Variants in MMP13 observed in about 807,000 individuals in gnomAD.
MMP13 encodes collagenase 3.
MMP13 carries 45 observed loss-of-function variants against 52.1 expected under a neutral mutation model. That is an observed-to-expected ratio of 0.86 (90% CI 0.68 to 1.11). The LOEUF is 1.11. Among genes scored for constraint, MMP13 ranks in the 50% least tolerant of loss-of-function variants. The probability of loss-of-function intolerance (pLI) is 0.00; values close to 1 mark genes in which losing one functional copy is unlikely to be tolerated. For synonymous variants in MMP13, 200 were observed against 204.4 expected, an observed-to-expected ratio of 0.98 and a Z score of 0.18; for missense variants, 576 against 583.8, an observed-to-expected ratio of 0.99 and a Z score of 0.14.
At chr11:102,945,520 T>A (rs1860489973) in intron 9 of MMP13, 126 bp downstream of exon 9, 2 of 708,318 alleles carry the variant, frequency 2.8e-6, no homozygotes, top group Non-Finnish European at 4.8e-6. Flanking sequence ...ACAGGAACAA[T>A]TAATTCCTTA....
At chr11:102,945,256 A>G (rs1555016537) in intron 9 of MMP13, 8 of 827,684 alleles carry the variant, frequency 9.7e-6, no homozygotes, top group South Asian at 6.8e-5. Context: ...AAAAAAAAAA[A>G]GGTTGAGAAC....
rs995553501 is a variant in MMP13, at chr11:102,949,950, A to G, written c.917+160T>C. Among the ~76,000 whole-genome samples, 4 of 152,234 alleles carry G rather than the reference A, an allele frequency of 2.6e-5. No homozygotes were observed. Among genetic ancestry groups the G allele is most frequent in the African/African-American group, 9.6e-5 (4 of 41,470 alleles). On this transcript the variant is annotated intron_variant, in intron 6 of 9. Transcript: ENST00000260302. This position sits in a 1 kb window ranked among gnomAD's most constrained non-coding sequence, Gnocchi z 4.2. The stretch of plus-strand genomic sequence containing the variant: ...ACGTTGAAAAGTAAAACATTTATCC[A>G]TCAGTCATTTATTTGATCTGAAATA...
chr11:102,952,185 CA>C lies in MMP13; in HGVS notation c.638-13del, dbSNP rs1232013550. On this transcript the variant is annotated splice_polypyrimidine_tract_variant and intron_variant, in intron 4 of 9. Coordinates refer to ENST00000260302, the MANE Select transcript of MMP13 (RefSeq NM_002427.4). The surrounding 1 kb of genome is among the most constrained non-coding windows in gnomAD (Gnocchi z 4.3). ...AAACAAGTTGTAGCCTGTAAGAAAA[CA>C]AAGAAACAATGAGAAAAAAAGGAAT... 1.2e-6 allele frequency: 2 copies of C among 1,612,050 alleles called. No individual in the cohort carries two copies. Among genetic ancestry groups the C allele is most frequent in the Non-Finnish European group, 8.5e-7 (1 of 1,178,734 alleles).
chr11:102,950,284 G>T, intron 5 of MMP13, 57 bp from the exon 6 acceptor site: 1 of 1,340,270 alleles, frequency 7.5e-7, no homozygotes, highest in Non-Finnish European at 1.1e-6. Context: ...GATAACCTGA[G>T]TCACAGTACA....
At position 102,952,027 on chromosome 11, in the gene MMP13, T is replaced by A. The variant is rs202123339; in HGVS notation, c.784A>T (p.Ile262Phe). The A allele has an allele frequency of 2.5e-6, 4 of 1,613,272 alleles. No individual in the cohort carries two copies. The East Asian group carries it at 8.9e-5, about 36-fold the overall frequency. Residue 262 changes from isoleucine to phenylalanine, a missense_variant, in exon 5 of 10, where the codon ATC (isoleucine) becomes TTC (phenylalanine). Transcript: ENST00000260302. The surrounding 1 kb of genome is among the most constrained non-coding windows in gnomAD (Gnocchi z 4.3). ...FMLPDDDVQG[I>F]QSLYGPGDED... ...ACCGAGTTACCATAGAGAGACTGGA[T>A]CCCTTGTACATCGTCATCAGGAAGC...
chr11:102,955,178 C>G lies in MMP13; in HGVS notation c.362+74G>C. 1 of 1,523,492 alleles carries G rather than the reference C, an allele frequency of 6.6e-7. No homozygotes were observed. The highest frequency in any genetic ancestry group is 9.0e-7 in the Non-Finnish European group (1 of 1,107,584). The allele number at this position is 1,523,492 out of a possible 1,614,324, so 94.4% of individuals were successfully genotyped here. A position where few individuals can be genotyped will look rare whatever the true frequency, so the allele number is the denominator to read the frequency against. On this transcript the variant is annotated intron_variant, in intron 2 of 9. Transcript: ENST00000260302. The surrounding 1 kb of genome is among the most constrained non-coding windows in gnomAD (Gnocchi z 4.9). ...TTTAACTGCCAATTAAATAATAAGG[C>G]CTACTTAATATTAGACATTTAATAC...
chr11:102,945,483 T>C (rs1555016559), intron 9 of MMP13, among the ~76,000 whole-genome samples, 163 bp downstream of exon 9: 2 of 152,166 alleles, frequency 1.3e-5, no homozygotes, highest in Non-Finnish European at 2.9e-5. Flanking sequence ...ATGTTTTTTT[T>C]GGTTTGCTGT....
chr11:102,948,094 T>C (rs782349148), intron 7 of MMP13, 44 bp from the exon 8 acceptor site: 11 of 1,561,676 alleles, frequency 7.0e-6, no homozygotes, highest in Non-Finnish European at 9.7e-6. Context: ...AGGGAATCTA[T>C]TAGGACTTAC....
intron 4 of MMP13, among the ~76,000 whole-genome samples, chr11:102,953,882 T>C (rs987947893): frequency 1.3e-5 from 2 of 152,210 alleles, no homozygotes; most frequent in Non-Finnish European, 2.9e-5. Context: ...ACATGTTGGC[T>C]GACAGACATA....
chr11:102,945,282 AG>A (rs1208734080), intron 9 of MMP13: 39 of 987,554 alleles, frequency 3.9e-5, no homozygotes, highest in Non-Finnish European at 1.3e-5. Flanking sequence ...TAAAGTAAAA[AG>A]TCACTATATA....
At chr11:102,946,507 T>A (rs905859835) in intron 8 of MMP13, among the ~76,000 whole-genome samples, 4 of 152,204 alleles carry the variant, frequency 2.6e-5, no homozygotes, top group Admixed American at 2.6e-4. Context: ...AGAGTAATCA[T>A]GAAATGTCAT....
Position 102,954,273 on chromosome 11 carries a change from C to T in MMP13, c.520G>A (p.Asp174Asn), listed in dbSNP as rs1860658251. ...MISFGIKEHG[D>N]FYPFDGPSGL... The stretch of plus-strand genomic sequence containing the variant: ...GAGGGCCCATCAAATGGGTAGAAGT[C>T]GCCATGCTCTACACACAAAAGCAAG... The change falls in exon 4 of 10, where the codon GAC becomes AAC. Residue 174 changes from aspartate to asparagine, a missense_variant. Physicochemically the swap from Asp to Asn is conservative, Grantham distance 23. Transcript: ENST00000260302. The T allele has an allele frequency of 1.2e-6, 2 of 1,613,622 alleles. No individual in the cohort carries two copies. The highest frequency in any genetic ancestry group is 2.2e-5 in the East Asian group (1 of 44,866).
chr11:102,954,661 A>G, intron 2 of MMP13, 55 bp from the exon 3 acceptor site: 1 of 1,524,216 alleles, frequency 6.6e-7, no homozygotes, highest in East Asian at 2.3e-5. Context: ...GCTATTTTAG[A>G]ATACATTTTC....
chr11:102,951,717 A>G (rs944642711), intron 5 of MMP13, among the ~76,000 whole-genome samples: 6 of 152,170 alleles, frequency 3.9e-5, no homozygotes, highest in Admixed American at 2.0e-4. Flanking sequence ...TATATAACCT[A>G]CTACAGATAT....
intron 2 of MMP13, among the ~76,000 whole-genome samples, 156 bp from the exon 3 acceptor site, chr11:102,954,762 GCCAT>G (rs779797492): frequency 1.3e-5 from 2 of 152,092 alleles, no homozygotes; most frequent in Non-Finnish European, 2.9e-5. Context: ...TAATTATGAT[GCCAT>G]ACAAGAATAA....
In MMP13 at chr11:102,948,040, A is replaced by C. The variant is rs886044803; in HGVS notation, c.1062T>G (p.Phe354Leu). The C allele has an allele frequency of 3.1e-6, 5 of 1,613,498 alleles. No homozygotes were observed. The Admixed American group carries it at 8.3e-5, about 27-fold the overall frequency. The change falls in exon 8 of 10, where the codon TTT (phenylalanine) becomes TTG (leucine). Residue 354 changes from phenylalanine (F) to leucine (L), a missense_variant. Transcript: ENST00000260302. ...GAATGTCATAACCATTAAGAGCCCA[A>C]AATTTTCTACCTGGAATGAGTGAAA... ...DLIFIFRGRKFWALNGYDILE... is the reference protein window; with the variant it reads ...DLIFIFRGRKLWALNGYDILE...
chr11:102,946,893 G>A (rs1860517244), intron 8 of MMP13, among the ~76,000 whole-genome samples: 1 of 152,168 alleles, frequency 6.6e-6, no homozygotes, highest in African/African-American at 2.4e-5. Flanking sequence ...GCATGTGTGT[G>A]TGTGAGACTG....
At chr11:102,946,482 G>C (rs536440075) in intron 8 of MMP13, among the ~76,000 whole-genome samples, 1 of 152,358 alleles carries the variant, frequency 6.6e-6, no homozygotes, top group South Asian at 2.1e-4. Flanking sequence ...CCAGGCAATA[G>C]AAGTCAAGCA....
At position 102,955,257 on chromosome 11, in the gene MMP13, G is replaced by A. The variant is rs754917545; in HGVS notation, c.357C>T (p.Thr119=). The A allele has an allele frequency of 1.4e-5, 22 of 1,613,654 alleles. No individual in the cohort carries two copies. The highest frequency in any genetic ancestry group is 1.9e-5 in the Non-Finnish European group (22 of 1,179,692). The change falls in exon 2 of 10, where the codon ACC becomes ACT. Residue 119 remains threonine, a synonymous_variant. Coordinates refer to ENST00000260302, the MANE Select transcript of MMP13 (RefSeq NM_002427.4). This position sits in a 1 kb window ranked among gnomAD's most constrained non-coding sequence, Gnocchi z 4.9. Reference sequence around the variant, plus strand: ...AAAGATAGCCTATGATTTACCTGTAGGTTAAATTCATTTTGGACCATTTAA... The same window carrying A: ...AAAGATAGCCTATGATTTACCTGTAAGTTAAATTCATTTTGGACCATTTAA... ...RTLKWSKMNL[T]YRIVNYTPDM...
Sources: gnomAD v4.1 joint callset for allele counts (sites outside exome capture counted in the v4.1 genomes callset) on GRCh38, gnomAD v4.1.1 for gene constraint, Gnocchi (gnomAD v3.1) non-coding constraint, MANE v1.5 for transcripts, NCBI Gene and HGNC (gene_info 2026-07-23, HGNC 2026-07-21) for gene names.